Variants in FAM9B observed in about 807,000 individuals in gnomAD.
FAM9B encodes the protein protein FAM9B.
In FAM9B, 18 loss-of-function variants were observed where a neutral mutation model predicts 16.6. The observed-to-expected ratio is 1.09, with a 90% CI of 0.75 to 1.61. FAM9B has a LOEUF of 1.61. Among genes scored for constraint, FAM9B ranks in the 40% most tolerant of loss-of-function variants. The pLI is 0.00. For synonymous variants in FAM9B, 43 were observed against 42.6 expected (o/e 1.01, Z -0.03); for missense variants, 155 against 136.0 (o/e 1.14, Z -0.70).
At chrX:9,026,390 A>C (rs945307191) in intron 7 of FAM9B, among the ~76,000 whole-genome samples, 7 of 111,318 alleles carry the variant, frequency 6.3e-5, no homozygotes, top group Admixed American at 4.8e-4. Flanking sequence ...GAAAGACAGA[A>C]GGCGGCAAAA....
chrX:9,033,340 C>A, intron 1 of FAM9B: 1 of 1,036,146 alleles, frequency 9.7e-7, no homozygotes, highest in Non-Finnish European at 1.2e-6. Flanking sequence ...TGGGACAGAA[C>A]TCAGCCCTAC....
At chrX:9,033,519 C>T (rs759968611) in intron 1 of FAM9B, among the ~76,000 whole-genome samples, 14 of 107,096 alleles carry the variant, frequency 1.3e-4, no homozygotes, top group African/African-American at 4.8e-4. Context: ...TCCTGTCGGG[C>T]GGCCAGGCAG....
intron 7 of FAM9B, among the ~76,000 whole-genome samples, 178 bp from the exon 8 acceptor site, chrX:9,025,761 T>A (rs1203517753): frequency 5.3e-5 from 6 of 112,326 alleles, no homozygotes; most frequent in African/African-American, 1.9e-4. Flanking sequence ...TTAAATTTTT[T>A]AATGCCAGAT....
At chrX:9,032,485 A>G (rs1555918326) in intron 2 of FAM9B, 24 bp from the exon 3 acceptor site, 2 of 1,076,549 alleles carry the variant, frequency 1.9e-6, no homozygotes, top group Non-Finnish European at 2.5e-6. Context: ...TAAAAGACAA[A>G]CCTTTTTTAG....
At position 9,027,965 on chromosome X, in the gene FAM9B, C is replaced by A. The variant is rs1334298910; in HGVS notation, c.395G>T (p.Arg132Ile). 5 of 1,177,536 alleles carry A rather than the reference C, an allele frequency of 4.2e-6. No individual in the cohort carries two copies. In the South Asian group the frequency reaches 9.1e-5, roughly 21 times the overall value. Residue 132 changes from arginine to isoleucine, a missense_variant and splice_region_variant, in exon 7 of 9, where the codon AGA becomes ATA. Coordinates refer to ENST00000327220, the MANE Select transcript of FAM9B (RefSeq NM_205849.3). ...EEEGEEEELI[R>I]IFQEQQKKWQ... is the part of the protein sequence containing the mutation. Reference sequence around the variant, plus strand: ...CTTCTTCTGTTGTTCTTGAAATATTCTCTAGAATCCCAAAACAAAATAGTG... The same window carrying A: ...CTTCTTCTGTTGTTCTTGAAATATTATCTAGAATCCCAAAACAAAATAGTG...
intron 4 of FAM9B, 129 bp downstream of exon 4, chrX:9,032,001 G>T (rs748000784): frequency 7.9e-6 from 4 of 505,572 alleles, no homozygotes; most frequent in Non-Finnish European, 1.3e-5. Context: ...CATTAAATAC[G>T]TACGTTAAAT....
At chrX:9,033,621 C>T in intron 1 of FAM9B, 3 of 517,296 alleles carry the variant, frequency 5.8e-6, no homozygotes, top group Non-Finnish European at 7.0e-6. Context: ...TGCACAAGCC[C>T]CCAGGACCCT....
At position 9,034,057 on chromosome X, in the gene FAM9B, A is replaced by G; in HGVS notation, c.-295T>C. 1 of 227,269 alleles carries G rather than the reference A, an allele frequency of 4.4e-6. No homozygotes were observed. Among genetic ancestry groups the G allele is most frequent in the Non-Finnish European group, 6.3e-6 (1 of 157,592 alleles). The allele number at this position is 227,269 out of a possible 1,213,427, so 18.7% of individuals were successfully genotyped here. A position where few individuals can be genotyped will look rare whatever the true frequency, so the allele number is the denominator to read the frequency against. ...CTCCGTCCCAAAAAAAACAAAACAAAAAAACAAAAAAAAAGAAAAGTAAAG... is the reference window on the plus strand; with the variant it reads ...CTCCGTCCCAAAAAAAACAAAACAAGAAAACAAAAAAAAAGAAAAGTAAAG... On this transcript the variant is annotated 5_prime_UTR_variant, in exon 1 of 9. Transcript: ENST00000327220.
intron 1 of FAM9B, chrX:9,033,289 A>G: frequency 9.3e-7 from 1 of 1,070,984 alleles, no homozygotes; most frequent in Non-Finnish European, 1.2e-6. Flanking sequence ...TGCCCCTCAC[A>G]CCTGAACTCC....
At chrX:9,029,172 A>G (rs2146823204) in intron 6 of FAM9B, 135 bp downstream of exon 6, 2 of 481,765 alleles carry the variant, frequency 4.2e-6, no homozygotes, top group East Asian at 3.5e-5. Context: ...ATATTCCCCT[A>G]GTCCATTAGT....
intron 1 of FAM9B, 147 bp downstream of exon 1, chrX:9,033,705 A>AACCCC: frequency 6.1e-5 from 2 of 32,578 alleles, no homozygotes; most frequent in Non-Finnish European, 7.6e-5. Flanking sequence ...ACCCTAGCCC[A>AACCCC]CCCTCAGGGC....
chrX:9,025,506 A>G lies in FAM9B; in HGVS notation c.*9T>C. ...TACAGTTCTGACATGATTTTATTTA[A>G]AAACATGTCTAGTTATCAAGTTCAC... On this transcript the variant is annotated 3_prime_UTR_variant, in exon 8 of 9. Coordinates refer to ENST00000327220, the MANE Select transcript of FAM9B (RefSeq NM_205849.3). 1 of 1,193,457 alleles carries G rather than the reference A, an allele frequency of 8.4e-7. No homozygotes were observed. Among genetic ancestry groups the G allele is most frequent in the South Asian group, 1.8e-5 (1 of 54,270 alleles).
At chrX:9,029,252 A>G (rs1438024976) in intron 6 of FAM9B, 55 bp downstream of exon 6, 2 of 960,307 alleles carry the variant, frequency 2.1e-6, no homozygotes, top group African/African-American at 3.9e-5. Flanking sequence ...ATGAACTATT[A>G]CTACCTGAGA....
At chrX:9,031,959 A>G in intron 4 of FAM9B, 171 bp downstream of exon 4, 1 of 423,701 alleles carries the variant, frequency 2.4e-6, no homozygotes. Flanking sequence ...ATCAACAATC[A>G]AAAAGGTAAG....
chrX:9,030,575 C>T, intron 4 of FAM9B: 1 of 288,715 alleles, frequency 3.5e-6, no homozygotes. Context: ...ATTTCAATTC[C>T]AGTTGGTATA....
chrX:9,027,601 T>C (rs777686240), intron 7 of FAM9B, among the ~76,000 whole-genome samples: 14 of 111,763 alleles, frequency 1.3e-4, no homozygotes, highest in East Asian at 1.1e-3. Flanking sequence ...TAATAAAGTG[T>C]CAATTTTATA....
intron 3 of FAM9B, 85 bp from the exon 4 acceptor site, chrX:9,032,246 T>C (rs745317637): frequency 1.7e-4 from 204 of 1,193,214 alleles, no homozygotes; most frequent in Non-Finnish European, 2.1e-4. Flanking sequence ...TTATGTGAAA[T>C]GTTCTGCATA....
intron 2 of FAM9B, chrX:9,032,701 T>C: frequency 1.9e-6 from 1 of 536,278 alleles, no homozygotes; most frequent in Admixed American, 4.0e-5. Flanking sequence ...ACCCCTTGGA[T>C]GTCAGGACTG....
At chrX:9,029,248 T>G in intron 6 of FAM9B, 59 bp downstream of exon 6, 2 of 949,993 alleles carry the variant, frequency 2.1e-6, no homozygotes, top group South Asian at 4.6e-5. Flanking sequence ...CTGCATGAAC[T>G]ATTACTACCT....
Sources: gnomAD v4.1 joint callset for allele counts (sites outside exome capture counted in the v4.1 genomes callset) on GRCh38, gnomAD v4.1.1 for gene constraint, MANE v1.5 for transcripts, NCBI Gene and HGNC (gene_info 2026-07-23, HGNC 2026-07-21) for gene names.